RARB: variants seen among roughly 807,000 people sequenced by gnomAD.
RARB encodes retinoic acid receptor beta, also known as HBV-activated protein.
In RARB, 17 loss-of-function variants were observed where a neutral mutation model predicts 51.9. That is an observed-to-expected ratio of 0.33 (90% confidence interval 0.22 to 0.49). The LOEUF is 0.49. Among genes scored for constraint, RARB ranks in the 20% least tolerant of loss-of-function variants. The pLI, the probability that RARB is intolerant of heterozygous loss-of-function variation, is 0.99. For synonymous variants in RARB, 215 were observed against 195.4 expected, an observed-to-expected ratio of 1.10 and a Z score of -0.84; for missense variants, 369 against 550.8, an observed-to-expected ratio of 0.67 and a Z score of 3.30.
At position 25,539,907 on chromosome 3, in the gene RARB, T is replaced by C. The variant is rs1218318163; in HGVS notation, c.449-29851T>C. ...CTGTGTGGGTCCCTTTATATATGAA[T>C]TTTTTTCAACCAAGTGTGGATCAAA... On this transcript the variant is annotated intron_variant, in intron 3 of 7. Coordinates refer to ENST00000330688, the MANE Select transcript of RARB (RefSeq NM_000965.5). Among the ~76,000 whole-genome samples, 7 of 152,240 alleles carry C rather than the reference T, an allele frequency of 4.6e-5. No homozygotes were observed. The East Asian group carries it at 9.7e-4, about 21-fold the overall frequency.
At chr3:24,943,242 C>A (rs888290484) in intron 2 of RARB, among the ~76,000 whole-genome samples, 9 of 152,170 alleles carry the variant, frequency 5.9e-5, no homozygotes, top group Non-Finnish European at 1.3e-4. Flanking sequence ...ATAAAACAAA[C>A]TTCTATTTCC....
At chr3:25,163,518 T>C (rs367845330) in intron 4 of RARB, among the ~76,000 whole-genome samples, 4 of 47,072 alleles carry the variant, frequency 8.5e-5, no homozygotes, top group Admixed American at 3.3e-4. Context: ...TATATATATA[T>C]ATATATATAT....
At chr3:25,142,819 G>A (rs1700130694) in intron 4 of RARB, among the ~76,000 whole-genome samples, 1 of 128,386 alleles carries the variant, frequency 7.8e-6, no homozygotes. Context: ...CGGGCTCTGT[G>A]GTCAAGATGC....
At chr3:24,865,367 G>A (rs11707113) in intron 2 of RARB, among the ~76,000 whole-genome samples, 27,596 of 152,120 alleles carry the variant, frequency 0.18, 3,471 homozygotes, top group Admixed American at 0.32. Flanking sequence ...CATGTTGCTC[G>A]AGGGTCAACT....
At chr3:25,277,212 G>A (rs1017219945) in intron 5 of RARB, among the ~76,000 whole-genome samples, 1 of 152,132 alleles carries the variant, frequency 6.6e-6, no homozygotes, top group Non-Finnish European at 1.5e-5. Context: ...CAAATAATTG[G>A]TAGATTTGCG....
At chr3:24,940,142 G>T (rs187611815) in intron 2 of RARB, among the ~76,000 whole-genome samples, 1 of 152,138 alleles carries the variant, frequency 6.6e-6, no homozygotes, top group African/African-American at 2.4e-5. Context: ...ATCTAGACAC[G>T]TCTCCTTTAA....
chr3:25,418,204 G>A (rs771583434), intron 5 of RARB, among the ~76,000 whole-genome samples: 4 of 152,206 alleles, frequency 2.6e-5, no homozygotes, highest in African/African-American at 7.2e-5. Flanking sequence ...ACCTATTGTA[G>A]GGGAAATAGA....
intron 1 of RARB, among the ~76,000 whole-genome samples, chr3:25,443,263 C>G (rs1452274722): frequency 6.6e-6 from 1 of 152,030 alleles, no homozygotes; most frequent in South Asian, 2.1e-4. Context: ...TAAGTAAGCC[C>G]TTATAAGTGC....
chr3:25,283,948 C>A (rs771949198), intron 5 of RARB, among the ~76,000 whole-genome samples: 1 of 152,188 alleles, frequency 6.6e-6, no homozygotes, highest in Non-Finnish European at 1.5e-5. Flanking sequence ...GACCTAGTGA[C>A]TTTCTCCTAA....
chr3:25,051,665 T>C (rs1698335694), intron 2 of RARB, among the ~76,000 whole-genome samples: 1 of 152,122 alleles, frequency 6.6e-6, no homozygotes, highest in African/African-American at 2.4e-5. Flanking sequence ...AGATGATAGA[T>C]AGATCAAGAA....
intron 5 of RARB, among the ~76,000 whole-genome samples, chr3:25,192,848 T>C (rs909456457): frequency 6.6e-6 from 1 of 152,016 alleles, no homozygotes; most frequent in Admixed American, 6.6e-5. Flanking sequence ...GCATAGTATC[T>C]AGTCCCTCGT....
chr3:25,117,925 A>G (rs1354213816), intron 3 of RARB, among the ~76,000 whole-genome samples: 1 of 152,222 alleles, frequency 6.6e-6, no homozygotes, highest in African/African-American at 2.4e-5. Context: ...GAAAGTTACA[A>G]TTGAAGGGTG....
At chr3:25,343,745 G>A (rs1208107969) in intron 5 of RARB, among the ~76,000 whole-genome samples, 3 of 152,060 alleles carry the variant, frequency 2.0e-5, no homozygotes, top group Admixed American at 2.0e-4. Flanking sequence ...ACCCCAAAAG[G>A]ATTCCAGGAC....
intron 2 of RARB, among the ~76,000 whole-genome samples, chr3:24,898,546 C>T (rs566848413): frequency 1.8e-4 from 27 of 151,980 alleles, no homozygotes; most frequent in Non-Finnish European, 1.9e-4. Context: ...TAACCTTATG[C>T]GTAGAACAAA....
intron 3 of RARB, among the ~76,000 whole-genome samples, chr3:25,086,942 T>A (rs988507685): frequency 2.0e-5 from 3 of 152,130 alleles, no homozygotes; most frequent in African/African-American, 7.2e-5. Flanking sequence ...CTTACTTAAT[T>A]CTCTCCTGGA....
intron 5 of RARB, among the ~76,000 whole-genome samples, chr3:25,389,976 T>C (rs759952103): frequency 1.6e-4 from 25 of 152,218 alleles, no homozygotes; most frequent in Admixed American, 3.3e-4. Context: ...TAAGTTTGGA[T>C]TGGTCGTGGC....
intron 2 of RARB, among the ~76,000 whole-genome samples, chr3:24,879,484 ATTTTTTTTTT>A (rs11417502): frequency 1.6e-5 from 2 of 121,474 alleles, no homozygotes; most frequent in South Asian, 5.4e-4. Context: ...AAGGATCTCC[ATTTTTTTTTT>A]TTTTTTTTTC....
chr3:25,025,021 C>T (rs1469553088), intron 2 of RARB: 2 of 151,446 alleles, frequency 1.3e-5, no homozygotes, highest in Non-Finnish European at 2.9e-5. Flanking sequence ...GCCATACCAC[C>T]CTGAACACTC....
At chr3:25,170,256 A>G (rs1470604298) in intron 4 of RARB, among the ~76,000 whole-genome samples, 2 of 152,212 alleles carry the variant, frequency 1.3e-5, no homozygotes, top group Non-Finnish European at 2.9e-5. Context: ...AGAGTTTAGC[A>G]GTAGTGACAG....
Sources: gnomAD v4.1 joint callset for allele counts (sites outside exome capture counted in the v4.1 genomes callset) on GRCh38, gnomAD v4.1.1 for gene constraint, MANE v1.5 for transcripts, NCBI Gene and HGNC (gene_info 2026-07-23, HGNC 2026-07-21) for gene names.